Variants in DPH6 observed in about 807,000 individuals in gnomAD.
The protein encoded by DPH6 is diphthine--ammonia ligase.
Under a neutral mutation model 38.2 loss-of-function variants are expected in DPH6, and 33 were observed. The ratio of observed to expected loss-of-function variants is 0.86; its 90% confidence interval spans 0.65 to 1.15. DPH6 has a LOEUF of 1.15. Ranked by LOEUF, DPH6 falls within the 50% of genes most tolerant of loss-of-function variation. The pLI, the probability that DPH6 is intolerant of heterozygous loss-of-function variation, is 0.00. For synonymous variants in DPH6, 108 were observed against 103.0 expected (o/e 1.05, Z -0.30); for missense variants, 325 against 320.0 (o/e 1.02, Z -0.12).
intron 3 of DPH6, among the ~76,000 whole-genome samples, chr15:35,511,647 T>C (rs572507791): frequency 6.6e-6 from 1 of 151,964 alleles, no homozygotes; most frequent in Non-Finnish European, 1.5e-5. Flanking sequence ...CATGCTCAAG[T>C]CGGTGTAATA....
intron 3 of DPH6, among the ~76,000 whole-genome samples, chr15:35,504,437 C>A (rs985209263): frequency 6.6e-6 from 1 of 152,044 alleles, no homozygotes; most frequent in South Asian, 2.1e-4. Flanking sequence ...CCTGCTCCAT[C>A]CCCAGGTAAA....
At chr15:35,408,087 T>C (rs904723020) in intron 6 of DPH6, among the ~76,000 whole-genome samples, 18 of 151,902 alleles carry the variant, frequency 1.2e-4, no homozygotes, top group African/African-American at 4.1e-4. Flanking sequence ...GTGGTAGTAG[T>C]AGAGACAGTG....
intron 3 of DPH6, among the ~76,000 whole-genome samples, chr15:35,338,053 C>A (rs909902161): frequency 2.0e-5 from 3 of 151,966 alleles, no homozygotes; most frequent in Non-Finnish European, 4.4e-5. Flanking sequence ...AAGACTTAAA[C>A]ATTAGACCTA....
chr15:35,327,658 A>G (rs1024842576), downstream of DPH6, among the ~76,000 whole-genome samples: 1 of 152,158 alleles, frequency 6.6e-6, no homozygotes, highest in Non-Finnish European at 1.5e-5. Context: ...ATAGCAAGTG[A>G]GCGAAGTGAA....
chr15:35,330,137 A>G (rs2052316148), downstream of DPH6, among the ~76,000 whole-genome samples: 1 of 152,182 alleles, frequency 6.6e-6, no homozygotes, highest in East Asian at 1.9e-4. Context: ...CTTAAGGGCC[A>G]TCTAGAAGGC....
chr15:35,448,116 TATA>T (rs2053880804), intron 5 of DPH6, among the ~76,000 whole-genome samples: 1 of 152,188 alleles, frequency 6.6e-6, no homozygotes, highest in Non-Finnish European at 1.5e-5. Flanking sequence ...AGCAACTAGA[TATA>T]TCCTGCTAAA....
At chr15:35,327,567 T>A (rs747736504), downstream of DPH6, among the ~76,000 whole-genome samples, 2 of 151,982 alleles carry the variant, frequency 1.3e-5, no homozygotes, top group Admixed American at 6.6e-5. Context: ...GGATGGTCTC[T>A]ATCTGCTGAC....
chr15:35,522,297 G>A (rs1193185652), intron 3 of DPH6: 2 of 1,610,030 alleles, frequency 1.2e-6, no homozygotes, highest in South Asian at 2.2e-5. Flanking sequence ...GGGAAATTAG[G>A]AAAACGTGGC....
intron 3 of DPH6, among the ~76,000 whole-genome samples, chr15:35,291,742 C>CTATGAA (rs2051981878): frequency 6.6e-6 from 1 of 152,016 alleles, no homozygotes; most frequent in Non-Finnish European, 1.5e-5. Context: ...CCTTGTCTGC[C>CTATGAA]TATGAATGAC....
chr15:35,534,553 T>C (rs111583633), intron 3 of DPH6, among the ~76,000 whole-genome samples: 13 of 152,026 alleles, frequency 8.6e-5, no homozygotes, highest in Non-Finnish European at 1.8e-4. Flanking sequence ...GAAAATATGA[T>C]GGTTAAAATT....
chr15:35,546,009 C>T, intron 1 of DPH6, 110 bp downstream of exon 1: 2 of 1,015,376 alleles, frequency 2.0e-6, no homozygotes, highest in Non-Finnish European at 2.6e-6. Flanking sequence ...AGCCGCGGAA[C>T]CCCCAACGCG....
intron 3 of DPH6, among the ~76,000 whole-genome samples, chr15:35,232,301 G>A (rs1398671919): frequency 6.6e-6 from 1 of 152,154 alleles, no homozygotes; most frequent in Non-Finnish European, 1.5e-5. Context: ...TCAAGGCAAG[G>A]CCAGGCGCGG....
intron 3 of DPH6, chr15:35,238,279 AAT>A: frequency 3.1e-6 from 1 of 325,720 alleles, no homozygotes; most frequent in South Asian, 3.3e-5. Context: ...AAAAAAAAAA[AAT>A]GACCATTAAG....
intron 3 of DPH6, among the ~76,000 whole-genome samples, chr15:35,461,228 C>T (rs536593939): frequency 2.8e-4 from 42 of 152,230 alleles, no homozygotes; most frequent in South Asian, 6.2e-4. Context: ...GGACTACAGG[C>T]GCGTGCCACC....
chr15:35,276,311 T>C (rs191678020), intron 3 of DPH6, among the ~76,000 whole-genome samples: 1 of 152,328 alleles, frequency 6.6e-6, no homozygotes, highest in East Asian at 1.9e-4. Flanking sequence ...TTGTTTGAGT[T>C]CATTGTAGAT....
At chr15:35,456,457 CTATA>C (rs34469895) in intron 3 of DPH6, among the ~76,000 whole-genome samples, 5 of 144,138 alleles carry the variant, frequency 3.5e-5, no homozygotes, top group African/African-American at 5.0e-5. Context: ...AGTCAAATTA[CTATA>C]TATATATATA....
intron 3 of DPH6, among the ~76,000 whole-genome samples, chr15:35,324,001 G>A (rs931563757): frequency 2.6e-5 from 4 of 152,096 alleles, no homozygotes; most frequent in African/African-American, 9.7e-5. Flanking sequence ...TGCAAAGAGG[G>A]TAAAGCAGAG....
At chr15:35,475,681 T>C (rs532774594) in intron 3 of DPH6, among the ~76,000 whole-genome samples, 14 of 151,942 alleles carry the variant, frequency 9.2e-5, no homozygotes, top group African/African-American at 2.9e-4. Context: ...ATTCTGATAG[T>C]TGTATTACAT....
chr15:35,392,947 G>A (rs931383843), intron 6 of DPH6, among the ~76,000 whole-genome samples: 15 of 152,204 alleles, frequency 9.9e-5, no homozygotes, highest in African/African-American at 3.6e-4. Context: ...CATAGCTGGA[G>A]CATAACTGGA....
Sources: gnomAD v4.1 joint callset for allele counts (sites outside exome capture counted in the v4.1 genomes callset) on GRCh38, gnomAD v4.1.1 for gene constraint, MANE v1.5 for transcripts, NCBI Gene and HGNC (gene_info 2026-07-23, HGNC 2026-07-21) for gene names.